KCNH1: variants seen among roughly 807,000 people sequenced by gnomAD.
KCNH1 encodes the protein voltage-gated delayed rectifier potassium channel KCNH1.
In KCNH1, 27 loss-of-function variants were observed where a neutral mutation model predicts 69.2. That is an observed-to-expected ratio of 0.39 (90% CI 0.29 to 0.54). KCNH1 has a LOEUF of 0.54. Among genes scored for constraint, KCNH1 ranks in the 20% least tolerant of loss-of-function variants. The pLI, the probability that KCNH1 is intolerant of heterozygous loss-of-function variation, is 0.68. For missense variants in KCNH1, 798 were observed against 1,261.6 expected (o/e 0.63, Z 5.57); for synonymous variants, 456 against 487.7 (o/e 0.93, Z 0.86).
At chr1:210,768,544 C>G (rs957833833) in intron 10 of KCNH1, among the ~76,000 whole-genome samples, 1 of 152,202 alleles carries the variant, frequency 6.6e-6, no homozygotes, top group Non-Finnish European at 1.5e-5. Flanking sequence ...GGCAACATGC[C>G]TGGCACTTTC....
intron 7 of KCNH1, among the ~76,000 whole-genome samples, chr1:210,876,147 A>G (rs1387853140): frequency 6.6e-6 from 1 of 152,212 alleles, no homozygotes; most frequent in Non-Finnish European, 1.5e-5. Flanking sequence ...CAGCATAAGG[A>G]CAGTAATATA....
intron 6 of KCNH1, among the ~76,000 whole-genome samples, chr1:211,006,212 C>T (rs1224517649): frequency 6.6e-6 from 1 of 152,168 alleles, no homozygotes; most frequent in Non-Finnish European, 1.5e-5. Flanking sequence ...AAACAATATA[C>T]ATACACGTAT....
intron 7 of KCNH1, among the ~76,000 whole-genome samples, chr1:210,889,736 T>C (rs1686704291): frequency 6.6e-6 from 1 of 152,106 alleles, no homozygotes. Flanking sequence ...TGTGCAAAAA[T>C]CACAAGCATT....
chr1:211,008,970 G>A lies in KCNH1; in HGVS notation c.1032+9813C>T, dbSNP rs4290120. ...GGGAAAGCCACTCTAATCATGTAAC[G>A]TTGAGCAAACACCTCAATGAAGTGA... On this transcript the variant is annotated intron_variant, in intron 6 of 10. Coordinates refer to ENST00000271751, the MANE Select transcript of KCNH1 (RefSeq NM_172362.3). Among the ~76,000 whole-genome samples the A allele has an allele frequency of 5.0e-3, 763 of 152,222 alleles. 9 individuals are homozygous for A. The highest frequency in any genetic ancestry group is 0.017 in the African/African-American group (721 of 41,532).
At chr1:210,863,695 G>A (rs1372867865) in intron 7 of KCNH1, among the ~76,000 whole-genome samples, 3 of 152,124 alleles carry the variant, frequency 2.0e-5, no homozygotes, top group South Asian at 2.1e-4. Context: ...TTAGGAAATC[G>A]GGGAAAGTCA....
chr1:211,080,187 G>T (rs1381945097), intron 5 of KCNH1, among the ~76,000 whole-genome samples: 1 of 152,066 alleles, frequency 6.6e-6, no homozygotes, highest in East Asian at 1.9e-4. Context: ...GACAAACAGA[G>T]AGCCAAATCA....
At chr1:210,687,946 G>A (rs1681442484) in intron 10 of KCNH1, among the ~76,000 whole-genome samples, 1 of 152,152 alleles carries the variant, frequency 6.6e-6, no homozygotes, top group Admixed American at 6.5e-5. Flanking sequence ...CCCTGTACTG[G>A]ACAGGTGATG....
At chr1:210,719,875 A>G (rs1166287343) in intron 10 of KCNH1, among the ~76,000 whole-genome samples, 1 of 152,218 alleles carries the variant, frequency 6.6e-6, no homozygotes, top group African/African-American at 2.4e-5. Flanking sequence ...TGTGAGGATC[A>G]AGTGAGACAA....
chr1:210,888,740 C>A (rs867596144), intron 7 of KCNH1, among the ~76,000 whole-genome samples: 1 of 152,110 alleles, frequency 6.6e-6, no homozygotes, highest in African/African-American at 2.4e-5. Context: ...ACTGATCCCA[C>A]AGAAATACAA....
In KCNH1 at chr1:210,683,524, C is replaced by T. The variant is rs141144317; in HGVS notation, c.2727G>A (p.Glu909=). The change falls in exon 11 of 11, where the codon GAG becomes GAA. Residue 909 remains glutamate, a synonymous_variant. Transcript: ENST00000271751. The surrounding 1 kb of genome is among the most constrained non-coding windows in gnomAD (Gnocchi z 5.7). The part of the protein sequence containing the change: ...SPQDRSPILA[E]VKHSFYPIPE... ...GGATGGGGTAGAACGAATGCTTGAC[C>T]TCTGCCAGGATGGGACTCCGATCCT... The T allele has an allele frequency of 1.1e-5, 17 of 1,614,120 alleles. No homozygotes were observed. The African/African-American group carries it at 2.0e-4, about 19-fold the overall frequency.
At chr1:210,863,783 C>G (rs1332746029) in intron 7 of KCNH1, among the ~76,000 whole-genome samples, 1 of 152,220 alleles carries the variant, frequency 6.6e-6, no homozygotes, top group African/African-American at 2.4e-5. Flanking sequence ...GTCCTTCCTT[C>G]TCAATGCAGG....
At position 210,764,008 on chromosome 1, in the gene KCNH1, G is replaced by C. The variant is rs1378443479; in HGVS notation, c.2112+11340C>G. 2.6e-5 allele frequency among the ~76,000 whole-genome samples: 4 copies of C among 151,964 alleles called. No individual in the cohort carries two copies. The East Asian group carries it at 5.8e-4, about 22-fold the overall frequency. On this transcript the variant is annotated intron_variant, in intron 10 of 10. Transcript: ENST00000271751. The stretch of plus-strand genomic sequence containing the variant: ...ACAGTAACAAAAACAGCATGGTACT[G>C]GTACAAAAACAGATGAATACACCAA...
intron 7 of KCNH1, among the ~76,000 whole-genome samples, chr1:210,840,548 C>T (rs1685386087): frequency 6.6e-6 from 1 of 152,150 alleles, no homozygotes; most frequent in Admixed American, 6.5e-5. Flanking sequence ...TCCTCTGGAT[C>T]CCATCAGGAG....
intron 10 of KCNH1, among the ~76,000 whole-genome samples, chr1:210,740,704 A>ATTTTTT (rs199727493): frequency 8.5e-6 from 1 of 117,264 alleles, no homozygotes; most frequent in African/African-American, 3.4e-5. Context: ...TTATGATTAA[A>ATTTTTT]TTTTTTTTTT....
rs567903627 is a variant in KCNH1 at position 211,133,164 on chromosome 1, A to T, written c.79+703T>A. The stretch of plus-strand genomic sequence containing the variant: ...CATAAAACCGTTGTGGGTTTGGAAG[A>T]GGGGAAATATAACAGGTTTGTACCT... On this transcript the variant is annotated intron_variant, in intron 1 of 10. Transcript: ENST00000271751. The surrounding 1 kb of genome is among the most constrained non-coding windows in gnomAD (Gnocchi z 5.4). 6.6e-6 allele frequency: 1 copy of T among 152,340 alleles called. No homozygotes were observed. The highest frequency in any genetic ancestry group is 1.9e-4 in the East Asian group (1 of 5,174). 9.4% of individuals were successfully genotyped at this position (152,340 alleles called of 1,614,324 possible). A position where few individuals can be genotyped will look rare whatever the true frequency, so the allele number is the denominator to read the frequency against.
At chr1:211,108,046 C>T (rs748509145) in intron 1 of KCNH1, among the ~76,000 whole-genome samples, 4 of 152,200 alleles carry the variant, frequency 2.6e-5, no homozygotes, top group Non-Finnish European at 5.9e-5. Flanking sequence ...AACGCAGCCA[C>T]AGAGCTGCAT....
chr1:210,847,850 C>T (rs755917180), intron 7 of KCNH1, among the ~76,000 whole-genome samples: 5 of 151,940 alleles, frequency 3.3e-5, no homozygotes, highest in Admixed American at 3.3e-4. Context: ...GCATCTCCTT[C>T]GTGACCAAAA....
chr1:210,715,617 A>G (rs1460923619), intron 10 of KCNH1, among the ~76,000 whole-genome samples: 5 of 152,132 alleles, frequency 3.3e-5, no homozygotes, highest in Non-Finnish European at 7.4e-5. Context: ...CATAATCATT[A>G]GGTCATAATT....
rs774008218 is a variant in KCNH1, at chr1:210,690,211, TGTCTAGAGTTGGGGTACACAAAGCC to T, written c.2113-6098_2113-6074del. Reference sequence around the variant, plus strand: ...TTCTTTCTTAGATCTGACAAAAAGCTGTCTAGAGTTGGGGTACACAAAGCCGTCTAGAGTTGGGGTACACAAAGCC... The same window carrying T: ...TTCTTTCTTAGATCTGACAAAAAGCTGTCTAGAGTTGGGGTACACAAAGCC... On this transcript the variant is annotated intron_variant, in intron 10 of 10. Transcript: ENST00000271751. 4.7e-3 allele frequency among the ~76,000 whole-genome samples: 716 copies of T among 152,268 alleles called. 2 individuals are homozygous for T. The highest frequency in any genetic ancestry group is 6.8e-3 in the Middle Eastern group (2 of 294).
Sources: allele counts gnomAD v4.1 joint callset (sites outside exome capture counted in the v4.1 genomes callset), GRCh38; gene constraint gnomAD v4.1.1; non-coding constraint Gnocchi (gnomAD v3.1); transcripts MANE v1.5; gene names NCBI Gene and HGNC (gene_info 2026-07-23, HGNC 2026-07-21).